The following KIF2A variants were observed in gnomAD, a reference collection of about 807,000 sequenced individuals.
KIF2A encodes the protein kinesin-like protein KIF2A.
A neutral mutation model predicts 100.2 loss-of-function variants in KIF2A; 22 were observed. The ratio of observed to expected loss-of-function variants is 0.22; its 90% CI spans 0.16 to 0.31. The LOEUF is 0.31. Among genes scored for constraint, KIF2A ranks in the 10% least tolerant of loss-of-function variants. The pLI is 1.00. For missense variants in KIF2A, 495 were observed against 898.7 expected, an observed-to-expected ratio of 0.55 and a Z score of 5.74; for synonymous variants, 268 against 285.9, an observed-to-expected ratio of 0.94 and a Z score of 0.63.
chr5:62,365,695 A>G (rs1483446276), intron 15 of KIF2A, among the ~76,000 whole-genome samples: 1 of 152,126 alleles, frequency 6.6e-6, no homozygotes, highest in African/African-American at 2.4e-5. Flanking sequence ...ATGAATGAAC[A>G]TAGAGACTGG....
chr5:62,322,764 A>T (rs1192906955), intron 1 of KIF2A, among the ~76,000 whole-genome samples: 1 of 152,050 alleles, frequency 6.6e-6, no homozygotes, highest in African/African-American at 2.4e-5. Context: ...CAATATTTAC[A>T]GAGACCATAG....
rs746833384 is a variant in KIF2A at position 62,365,315 on chromosome 5, A to C, written c.1540A>C (p.Arg514=). The C allele has an allele frequency of 1.2e-6, 2 of 1,606,860 alleles. No homozygotes were observed. The highest frequency in any genetic ancestry group is 4.5e-5 in the East Asian group (2 of 44,616). ...FRASKLTQVL[R]DSFIGENSRT... ...TGCAAGTAAACTCACTCAGGTGTTAAGAGATTCTTTCATAGGTGAAAACTC... is the reference window on the plus strand; with the variant it reads ...TGCAAGTAAACTCACTCAGGTGTTACGAGATTCTTTCATAGGTGAAAACTC... Residue 514 remains arginine, a synonymous_variant, in exon 15 of 21, where the codon AGA becomes CGA. Transcript: ENST00000407818.
At chr5:62,377,488 A>G (rs1022285318) in intron 18 of KIF2A, among the ~76,000 whole-genome samples, 173 bp from the exon 19 acceptor site, 1 of 152,132 alleles carries the variant, frequency 6.6e-6, no homozygotes, top group African/African-American at 2.4e-5. Flanking sequence ...TTGCATAAAT[A>G]TTTTTACCCA....
At position 62,314,599 on chromosome 5, in the gene KIF2A, T is replaced by C. The variant is rs116980880; in HGVS notation, c.64+8063T>C. ...GAACTGTAAGAATCAGGTTCCTCCC[T>C]GGGCTATGTTTTATTTACTTTTGAA... is the stretch of plus-strand genomic sequence containing the variant. On this transcript the variant is annotated intron_variant, in intron 1 of 20. Coordinates refer to ENST00000407818, the MANE Select transcript of KIF2A (RefSeq NM_001098511.3). Among the ~76,000 whole-genome samples, 706 of 152,236 alleles carry C rather than the reference T, an allele frequency of 4.6e-3. 28 individuals are homozygous for C. In the East Asian group the frequency reaches 0.098, roughly 21 times the overall value.
intron 1 of KIF2A, among the ~76,000 whole-genome samples, chr5:62,330,349 A>AG (rs1391993169): frequency 1.3e-5 from 2 of 151,940 alleles, no homozygotes. Flanking sequence ...AAAAAGAAAG[A>AG]GAAAAAAAAG....
intron 1 of KIF2A, among the ~76,000 whole-genome samples, chr5:62,344,199 G>A (rs1219204512): frequency 6.6e-6 from 1 of 152,004 alleles, no homozygotes; most frequent in Non-Finnish European, 1.5e-5. Flanking sequence ...CAAAAAATTA[G>A]CTGGGCGTGG....
Position 62,390,152 on chromosome 5 carries a change from G to A in KIF2A, c.*4583G>A, listed in dbSNP as rs1323570335. ...TTTATTCAGCCTCTAGAACATGGAA[G>A]CTTTAAAAGTGAATTGGCTAAATAG... On this transcript the variant is annotated 3_prime_UTR_variant, in exon 21 of 21. Transcript: ENST00000407818. 6.6e-6 allele frequency among the ~76,000 whole-genome samples: 1 copy of A among 152,136 alleles called. No homozygotes were observed. Among genetic ancestry groups the A allele is most frequent in the East Asian group, 1.9e-4 (1 of 5,202 alleles).
intron 1 of KIF2A, among the ~76,000 whole-genome samples, chr5:62,322,934 T>TTAAAAAAAAA (rs1746176638): frequency 1.0e-5 from 1 of 97,998 alleles, no homozygotes; most frequent in African/African-American, 3.9e-5. Flanking sequence ...TTCAATTTAG[T>TTAAAAAAAAA]AAAAAAAAAA....
intron 1 of KIF2A, among the ~76,000 whole-genome samples, chr5:62,337,558 A>C (rs951861676): frequency 6.6e-6 from 1 of 151,914 alleles, no homozygotes; most frequent in Non-Finnish European, 1.5e-5. Flanking sequence ...AGAGGCTGGG[A>C]GCAGTGGCTC....
rs1357437468 is a variant in KIF2A at position 62,389,187 on chromosome 5, AT to A, written c.*3620del. 1.4e-6 allele frequency: 1 copy of A among 726,008 alleles called. No homozygotes were observed. The highest frequency in any genetic ancestry group is 2.2e-6 in the Non-Finnish European group (1 of 454,448). 45.0% of individuals were successfully genotyped at this position (726,008 alleles called of 1,614,324 possible). A position where few individuals can be genotyped will look rare whatever the true frequency, so the allele number is the denominator to read the frequency against. On this transcript the variant is annotated 3_prime_UTR_variant, in exon 21 of 21. Coordinates refer to ENST00000407818, the MANE Select transcript of KIF2A (RefSeq NM_001098511.3). ...AGCCCACCCACTCCTAATACTAGTTATTAAAGAAACGTTACTGGCTGGGCGC... is the reference window on the plus strand; with the variant it reads ...AGCCCACCCACTCCTAATACTAGTTATAAAGAAACGTTACTGGCTGGGCGC...
At position 62,388,875 on chromosome 5, in the gene KIF2A, C is replaced by G. The variant is rs1262637222; in HGVS notation, c.*3306C>G. 3.3e-5 allele frequency: 25 copies of G among 757,456 alleles called. No individual in the cohort carries two copies. The highest frequency in any genetic ancestry group is 5.1e-5 in the Non-Finnish European group (23 of 454,356). The allele number at this position is 757,456 out of a possible 1,614,324, so 46.9% of individuals were successfully genotyped here. A position where few individuals can be genotyped will look rare whatever the true frequency, so the allele number is the denominator to read the frequency against. On this transcript the variant is annotated 3_prime_UTR_variant, in exon 21 of 21. Coordinates refer to ENST00000407818, the MANE Select transcript of KIF2A (RefSeq NM_001098511.3). ...TAAAATTCAGAATCATAAATGGTGA[C>G]AACAGTAGTAGTATTGAACCAAAAA...
Position 62,381,061 on chromosome 5 carries a change from A to G in KIF2A, c.2014-57A>G. 3.1e-6 allele frequency: 4 copies of G among 1,305,550 alleles called. 1 individual carries two copies. The South Asian group carries it at 5.0e-5, about 16-fold the overall frequency. The allele number at this position is 1,305,550 out of a possible 1,614,324, so 80.9% of individuals were successfully genotyped here. ...TTTGATTATATTTAACAGAATTGTA[A>G]TTTGGTTTCTGTTGCACAAAGATGC... On this transcript the variant is annotated intron_variant, in intron 19 of 20. Coordinates refer to ENST00000407818, the MANE Select transcript of KIF2A (RefSeq NM_001098511.3).
At chr5:62,381,375 C>T in intron 20 of KIF2A, 122 bp downstream of exon 20, 1 of 747,618 alleles carries the variant, frequency 1.3e-6, no homozygotes, top group East Asian at 2.6e-5. Flanking sequence ...TGTTTAGCAT[C>T]TATTTTCCAG....
At chr5:62,374,360 G>GT (rs551905611) in intron 18 of KIF2A, among the ~76,000 whole-genome samples, 127 of 152,296 alleles carry the variant, frequency 8.3e-4, no homozygotes, top group African/African-American at 2.8e-3. Flanking sequence ...CATAACAGCA[G>GT]TAACAGAGAC....
intron 19 of KIF2A, among the ~76,000 whole-genome samples, chr5:62,378,156 G>C (rs2111998412): frequency 6.6e-6 from 1 of 152,332 alleles, no homozygotes; most frequent in East Asian, 1.9e-4. Context: ...AGAAAAGAGA[G>C]ACTACTTACT....
In KIF2A at chr5:62,306,548, T is replaced by G. The variant is rs1475082619; in HGVS notation, c.64+12T>G. 1.3e-6 allele frequency: 2 copies of G among 1,544,118 alleles called. No homozygotes were observed. The highest frequency in any genetic ancestry group is 1.7e-6 in the Non-Finnish European group (2 of 1,143,800). ...CAAGCGCAGCGATGGTGAGCCGCGC[T>G]GCCAGCCCCGCTGGCCCGCTCGGCC... On this transcript the variant is annotated intron_variant, in intron 1 of 20. Coordinates refer to ENST00000407818, the MANE Select transcript of KIF2A (RefSeq NM_001098511.3).
chr5:62,378,785 T>C (rs2112000589), intron 19 of KIF2A, among the ~76,000 whole-genome samples: 1 of 151,670 alleles, frequency 6.6e-6, no homozygotes, highest in South Asian at 2.1e-4. Context: ...GGGTGAGGTA[T>C]AGCATGCCTG....
intron 2 of KIF2A, 114 bp downstream of exon 2, chr5:62,347,338 C>T: frequency 3.2e-6 from 2 of 618,638 alleles, no homozygotes; most frequent in South Asian, 2.4e-5. Flanking sequence ...TTTTATTATT[C>T]CTTGAAAACT....
chr5:62,381,101 A>C lies in KIF2A; in HGVS notation c.2014-17A>C, dbSNP rs765048858. On this transcript the variant is annotated splice_polypyrimidine_tract_variant and intron_variant, in intron 19 of 20. Transcript: ENST00000407818. ...CACAAAGATGCTTATTGGATTATCG[A>C]ATTTTTGTCCTTGTAGGAATCTATT... The C allele has an allele frequency of 1.3e-6, 2 of 1,597,540 alleles. No individual in the cohort carries two copies. Among genetic ancestry groups the C allele is most frequent in the Middle Eastern group, 1.7e-4 (1 of 5,996 alleles).
Sources: gnomAD v4.1 joint callset for allele counts (sites outside exome capture counted in the v4.1 genomes callset) on GRCh38, gnomAD v4.1.1 for gene constraint, MANE v1.5 for transcripts, NCBI Gene and HGNC (gene_info 2026-07-23, HGNC 2026-07-21) for gene names.